The following MED13L variants were observed in gnomAD, a reference collection of about 807,000 sequenced individuals.
MED13L encodes the protein mediator of RNA polymerase II transcription subunit 13-like.
A neutral mutation model predicts 220.9 loss-of-function variants in MED13L; 7 were observed. The observed-to-expected ratio is 0.03, with a 90% CI of 0.02 to 0.06. The LOEUF is 0.06. MED13L is among the 10% of genes least tolerant of loss of function. The pLI, the probability that MED13L is intolerant of heterozygous loss-of-function variation, is 1.00. For synonymous variants in MED13L, 1,011 were observed against 1,015.2 expected, an observed-to-expected ratio of 1.00 and a Z score of 0.08; for missense variants, 1,965 against 2,760.5, an observed-to-expected ratio of 0.71 and a Z score of 6.46.
At chr12:116,215,147 A>C (rs1033582528) in intron 2 of MED13L, among the ~76,000 whole-genome samples, 14 of 152,324 alleles carry the variant, frequency 9.2e-5, no homozygotes, top group Admixed American at 2.0e-4. Context: ...TTTTTGCTTT[A>C]GTTACTATCA....
chr12:116,092,771 G>A (rs79516881), intron 4 of MED13L, among the ~76,000 whole-genome samples: 2,959 of 152,046 alleles, frequency 0.019, 54 homozygotes, highest in Middle Eastern at 0.051. Flanking sequence ...GTATATGTGT[G>A]GTGGGGGGGG....
intron 2 of MED13L, chr12:116,232,037 C>T: frequency 1.0e-6 from 1 of 959,456 alleles, no homozygotes; most frequent in Non-Finnish European, 1.2e-6. Flanking sequence ...AACAATAGTA[C>T]TAGTATCTTA....
At chr12:116,051,119 T>C (rs1227229278) in intron 4 of MED13L, among the ~76,000 whole-genome samples, 1 of 152,198 alleles carries the variant, frequency 6.6e-6, no homozygotes, top group Non-Finnish European at 1.5e-5. Flanking sequence ...ATGGGTTGTT[T>C]ATAGATTATC....
At chr12:115,980,622 C>A in intron 23 of MED13L, 128 bp downstream of exon 23, 2 of 1,008,894 alleles carry the variant, frequency 2.0e-6, no homozygotes, top group Non-Finnish European at 3.1e-6. Flanking sequence ...ACACATCCAG[C>A]CTAGCAACTC....
At chr12:116,009,338 T>C (rs1879251470) in intron 9 of MED13L, among the ~76,000 whole-genome samples, 1 of 151,984 alleles carries the variant, frequency 6.6e-6, no homozygotes. Flanking sequence ...AGATAAGAAA[T>C]GGGCACAGCA....
At chr12:116,149,359 A>G (rs1376165136) in intron 2 of MED13L, among the ~76,000 whole-genome samples, 1 of 152,220 alleles carries the variant, frequency 6.6e-6, no homozygotes, top group Non-Finnish European at 1.5e-5. Context: ...GTCATGACCT[A>G]TTGTTAAATA....
chr12:116,045,328 A>G (rs1019105784), intron 4 of MED13L, among the ~76,000 whole-genome samples: 5 of 152,176 alleles, frequency 3.3e-5, no homozygotes, highest in African/African-American at 1.2e-4. Context: ...CTGAGACAAC[A>G]AATGAAAGCC....
chr12:116,130,443 A>G (rs1217992060), intron 2 of MED13L, among the ~76,000 whole-genome samples: 1 of 152,216 alleles, frequency 6.6e-6, no homozygotes, highest in Non-Finnish European at 1.5e-5. Context: ...CAACATGTCT[A>G]GTTTTTCCAA....
In MED13L at chr12:115,983,398, A is replaced by G. The variant is rs751669404; in HGVS notation, c.4674T>C (p.Ala1558=). The G allele has an allele frequency of 6.2e-7, 1 of 1,614,220 alleles. No homozygotes were observed. The highest frequency in any genetic ancestry group is 2.2e-5 in the East Asian group (1 of 44,886). The change falls in exon 21 of 31, where the codon GCT becomes GCC. Residue 1558 remains alanine (A), a synonymous_variant. Transcript: ENST00000281928. ...TCGAGGTGGGATTAAATGCACTGCCAGCTGGGGGAGCTGCTGATCCATTTG... is the reference window on the plus strand; with the variant it reads ...TCGAGGTGGGATTAAATGCACTGCCGGCTGGGGGAGCTGCTGATCCATTTG... ...LAPNGSAAPP[A]GSAFNPTSNS...
intron 4 of MED13L, among the ~76,000 whole-genome samples, chr12:116,086,491 A>T (rs1404663654): frequency 1.3e-5 from 2 of 152,090 alleles, no homozygotes; most frequent in Non-Finnish European, 2.9e-5. Flanking sequence ...CATGTTGGTC[A>T]GGCTGGTCTC....
rs1168750619 is a variant in MED13L, at chr12:116,120,469, TCTCTCTCTCACACACACACACACA to T, written c.311-8981_311-8958del. Reference sequence around the variant, plus strand: ...CTCTCTCTCTCTCTCTCTCTCTCTCTCTCTCTCTCACACACACACACACACACACACACACACACACACACACAC... The same window carrying T: ...CTCTCTCTCTCTCTCTCTCTCTCTCTCACACACACACACACACACACACAC... On this transcript the variant is annotated intron_variant, in intron 2 of 30. Coordinates refer to ENST00000281928, the MANE Select transcript of MED13L (RefSeq NM_015335.5). Among the ~76,000 whole-genome samples the T allele has an allele frequency of 3.1e-5, 4 of 129,862 alleles. No homozygotes were observed. In the East Asian group the frequency reaches 6.8e-4, roughly 22 times the overall value. The allele number at this position is 129,862 out of a possible 152,430, so 85.2% of individuals were successfully genotyped here.
At chr12:116,220,954 C>T (rs1331971066) in intron 2 of MED13L, among the ~76,000 whole-genome samples, 1 of 152,096 alleles carries the variant, frequency 6.6e-6, no homozygotes, top group African/African-American at 2.4e-5. Context: ...TTTGAAGTCC[C>T]TCTAGTGTTC....
At chr12:115,978,979 G>A (rs1474489043) in intron 23 of MED13L, among the ~76,000 whole-genome samples, 2 of 152,124 alleles carry the variant, frequency 1.3e-5, no homozygotes, top group Non-Finnish European at 2.9e-5. Flanking sequence ...GGCCTGTTTT[G>A]TTCACCCCTG....
chr12:115,970,461 C>A lies in MED13L; in HGVS notation c.6067+133G>T, dbSNP rs1876502997. On this transcript the variant is annotated intron_variant, in intron 27 of 30. Coordinates refer to ENST00000281928, the MANE Select transcript of MED13L (RefSeq NM_015335.5). ...CTTTAAGACCAAATAGATTCTCAAA[C>A]CTTCTATCCCCTCTTTATAGTTCCT... 3 of 859,986 alleles carry A rather than the reference C, an allele frequency of 3.5e-6. No homozygotes were observed. The Admixed American group carries it at 7.5e-5, about 22-fold the overall frequency. The allele number at this position is 859,986 out of a possible 1,614,324, so 53.3% of individuals were successfully genotyped here.
chr12:116,077,283 G>A (rs888315709), intron 4 of MED13L, among the ~76,000 whole-genome samples: 3 of 152,056 alleles, frequency 2.0e-5, no homozygotes, highest in East Asian at 1.9e-4. Flanking sequence ...TGAGTTCCTC[G>A]GCAGGACTTC....
At chr12:116,231,979 C>G (rs1335345789) in intron 2 of MED13L, 3 of 563,568 alleles carry the variant, frequency 5.3e-6, no homozygotes, top group Non-Finnish European at 6.7e-6. Flanking sequence ...TAAAAAAATC[C>G]AGCCTTCCCA....
At chr12:116,253,117 C>A (rs974328353) in intron 1 of MED13L, among the ~76,000 whole-genome samples, 3 of 151,510 alleles carry the variant, frequency 2.0e-5, no homozygotes, top group South Asian at 4.2e-4. Context: ...CAAAAACTAG[C>A]CAGATGTGTT....
intron 4 of MED13L, among the ~76,000 whole-genome samples, chr12:116,068,205 G>A (rs1275468308): frequency 1.3e-5 from 2 of 152,088 alleles, no homozygotes; most frequent in East Asian, 1.9e-4. Context: ...TGTGCCTGCC[G>A]TAATCAGCCT....
At chr12:116,053,728 C>T (rs1868703788) in intron 4 of MED13L, among the ~76,000 whole-genome samples, 1 of 152,164 alleles carries the variant, frequency 6.6e-6, no homozygotes, top group South Asian at 2.1e-4. Flanking sequence ...AAAGATTCTA[C>T]ACTCTCAAAG....
Sources: allele counts gnomAD v4.1 joint callset (sites outside exome capture counted in the v4.1 genomes callset), GRCh38; gene constraint gnomAD v4.1.1; transcripts MANE v1.5; gene names NCBI Gene and HGNC (gene_info 2026-07-23, HGNC 2026-07-21).